Variants in SPACDR observed in about 807,000 individuals in gnomAD.
SPACDR encodes uncharacterized protein C7orf61.
At chr7:100,464,088 C>CGGGGG in the SPACDR span, 2 of 72,402 alleles carry the variant, frequency 2.8e-5, no homozygotes, top group South Asian at 2.6e-4. Context: ...GTGGGGGTGG[C>CGGGGG]GGGTGGGGGA....
the SPACDR span, among the ~76,000 whole-genome samples, chr7:100,463,162 C>T: frequency 6.6e-6 from 1 of 150,880 alleles, no homozygotes; most frequent in African/African-American, 2.4e-5. Context: ...TTTTAAGAGA[C>T]AGGGTCTTGC....
chr7:100,459,859 T>C, the SPACDR span, among the ~76,000 whole-genome samples: 86 of 152,116 alleles, frequency 5.7e-4, no homozygotes, highest in Non-Finnish European at 9.7e-4. Flanking sequence ...TTTTGGCTAT[T>C]ACAAATCAAG....
At chr7:100,459,286 A>G in the SPACDR span, among the ~76,000 whole-genome samples, 33 of 149,790 alleles carry the variant, frequency 2.2e-4, no homozygotes, top group Non-Finnish European at 8.9e-5. Context: ...CTGGGATTAC[A>G]GGTGTGAGCC....
chr7:100,457,953 G>C, the SPACDR span, among the ~76,000 whole-genome samples: 1 of 150,530 alleles, frequency 6.6e-6, no homozygotes, highest in African/African-American at 2.5e-5. Context: ...CAAATGCTGA[G>C]ATTACAGGCG....
the SPACDR span, among the ~76,000 whole-genome samples, chr7:100,457,851 A>G: frequency 3.5e-3 from 102 of 29,524 alleles, no homozygotes; most frequent in East Asian, 0.023. Flanking sequence ...GTATATATAT[A>G]TATATATTTT....
chr7:100,463,274 A>G, the SPACDR span: 4 of 1,118,786 alleles, frequency 3.6e-6, no homozygotes, highest in South Asian at 6.0e-5. Flanking sequence ...GCACCAGGCC[A>G]GGAAACAATT....
At chr7:100,463,337 G>A in the SPACDR span, 1 of 1,530,136 alleles carries the variant, frequency 6.5e-7, no homozygotes, top group South Asian at 1.3e-5. Context: ...GGGGAAAGAG[G>A]GAGGGGGTGT....
chr7:100,458,971 CTGTG>C, the SPACDR span, among the ~76,000 whole-genome samples: 4 of 150,806 alleles, frequency 2.7e-5, no homozygotes, highest in Non-Finnish European at 3.0e-5. Flanking sequence ...ACCCACGTTA[CTGTG>C]TGTATCAATA....
At chr7:100,463,844 C>T in the SPACDR span, 4 of 1,325,890 alleles carry the variant, frequency 3.0e-6, no homozygotes, top group Non-Finnish European at 4.3e-6. Context: ...TCCTTCCTCC[C>T]CACTCCATCT....
the SPACDR span, chr7:100,457,114 A>G: frequency 1.7e-6 from 1 of 592,164 alleles, no homozygotes; most frequent in Admixed American, 3.3e-5. Context: ...CAACTCATAC[A>G]TCACCTCCTC....
At chr7:100,461,024 G>A in the SPACDR span, among the ~76,000 whole-genome samples, 1 of 152,016 alleles carries the variant, frequency 6.6e-6, no homozygotes, top group Non-Finnish European at 1.5e-5. Context: ...GCTGACTTTA[G>A]GCTTCAGGAT....
the SPACDR span, among the ~76,000 whole-genome samples, chr7:100,462,035 AC>A: frequency 6.6e-5 from 10 of 151,108 alleles, no homozygotes; most frequent in Admixed American, 5.3e-4. Context: ...GGTTTGGATA[AC>A]ATGCCTCTCT....
chr7:100,461,113 T>C, the SPACDR span, among the ~76,000 whole-genome samples: 1 of 152,078 alleles, frequency 6.6e-6, no homozygotes, highest in Non-Finnish European at 1.5e-5. Context: ...AGACAGACTC[T>C]CACTGTATTG....
chr7:100,460,658 T>C, the SPACDR span, among the ~76,000 whole-genome samples: 1 of 150,194 alleles, frequency 6.7e-6, no homozygotes, highest in Admixed American at 6.6e-5. Flanking sequence ...CTATCTATTT[T>C]CCTTTTTTTT....
At chr7:100,463,887 C>A in the SPACDR span, 1 of 1,497,800 alleles carries the variant, frequency 6.7e-7, no homozygotes, top group South Asian at 1.2e-5. Flanking sequence ...GGAGGGAACC[C>A]ACGCAGTAAG....
the SPACDR span, among the ~76,000 whole-genome samples, chr7:100,457,599 G>A: frequency 4.1e-5 from 6 of 146,846 alleles, no homozygotes; most frequent in African/African-American, 1.3e-4. Context: ...GATTACAGGC[G>A]TGAGCCACCA....
the SPACDR span, among the ~76,000 whole-genome samples, chr7:100,459,220 C>T: frequency 6.6e-6 from 1 of 150,962 alleles, no homozygotes; most frequent in Non-Finnish European, 1.5e-5. Flanking sequence ...TCCTGTTAGT[C>T]AGGATGGTCT....
the SPACDR span, among the ~76,000 whole-genome samples, chr7:100,458,990 G>C: frequency 6.7e-6 from 1 of 149,074 alleles, no homozygotes; most frequent in East Asian, 2.0e-4. Flanking sequence ...TCAATAGTTT[G>C]TCCTTTTTAC....
the SPACDR span, among the ~76,000 whole-genome samples, chr7:100,457,855 ATATT>A: frequency 1.2e-4 from 8 of 68,018 alleles, no homozygotes; most frequent in African/African-American, 3.5e-4. Flanking sequence ...ATATATATAT[ATATT>A]TTTTTTTTTT....
Sources: gnomAD v4.1 joint callset for allele counts (sites outside exome capture counted in the v4.1 genomes callset) on GRCh38, gnomAD v4.1.1 for gene constraint, MANE v1.5 for transcripts, NCBI Gene and HGNC (gene_info 2026-07-23, HGNC 2026-07-21) for gene names.